MPP7: variants seen among roughly 807,000 people sequenced by gnomAD.
MPP7 encodes MAGUK p55 subfamily member 7.
Under a neutral mutation model 76.5 loss-of-function variants are expected in MPP7, and 60 were observed. The observed-to-expected ratio is 0.78, with a 90% CI of 0.64 to 0.97. MPP7 has a LOEUF of 0.97. Among genes scored for constraint, MPP7 ranks in the 50% least tolerant of loss-of-function variants. MPP7 has a pLI of 0.00. For missense variants in MPP7, 641 were observed against 694.0 expected, an observed-to-expected ratio of 0.92 and a Z score of 0.86; for synonymous variants, 237 against 244.5, an observed-to-expected ratio of 0.97 and a Z score of 0.29.
chr10:28,302,770 C>T (rs1564767131), intron 1 of MPP7, among the ~76,000 whole-genome samples, 91 bp downstream of exon 1: 3 of 152,066 alleles, frequency 2.0e-5, no homozygotes, highest in Admixed American at 6.5e-5. Flanking sequence ...TCGGCCCGGT[C>T]GCCGGCGCAG....
chr10:28,115,113 T>G (rs1430206418), intron 11 of MPP7, among the ~76,000 whole-genome samples: 4 of 152,154 alleles, frequency 2.6e-5, no homozygotes, highest in African/African-American at 9.7e-5. Context: ...TGTTTTTGTT[T>G]TTTTTTGAGA....
chr10:28,060,041 G>GA (rs551099102), intron 13 of MPP7, among the ~76,000 whole-genome samples: 450 of 142,592 alleles, frequency 3.2e-3, no homozygotes, highest in African/African-American at 0.011. Context: ...AACTCCTGAG[G>GA]AAAAAAACCT....
chr10:28,317,028 GA>G (rs1292481317), intron 2 of MPP7, among the ~76,000 whole-genome samples: 1 of 152,092 alleles, frequency 6.6e-6, no homozygotes, highest in Non-Finnish European at 1.5e-5. Flanking sequence ...AAAGGGGGAA[GA>G]ACTGTGAGCC....
chr10:28,207,422 C>A (rs573129236), intron 2 of MPP7, among the ~76,000 whole-genome samples: 4 of 152,180 alleles, frequency 2.6e-5, no homozygotes, highest in South Asian at 4.1e-4. Flanking sequence ...GGGGGCTGGG[C>A]ACAGTGGCTC....
chr10:28,200,320 A>G (rs1837728796), intron 3 of MPP7, among the ~76,000 whole-genome samples: 1 of 152,230 alleles, frequency 6.6e-6, no homozygotes, highest in Admixed American at 6.5e-5. Context: ...TTGAGAATGT[A>G]CTAGAGGTAC....
intron 11 of MPP7, among the ~76,000 whole-genome samples, chr10:28,113,648 G>A (rs1451391759): frequency 1.3e-5 from 2 of 151,994 alleles, no homozygotes; most frequent in African/African-American, 4.8e-5. Context: ...AGACAGCCAC[G>A]ACCACCTCCC....
intron 11 of MPP7, among the ~76,000 whole-genome samples, chr10:28,111,391 C>T (rs928803692): frequency 6.6e-6 from 1 of 152,156 alleles, no homozygotes; most frequent in African/African-American, 2.4e-5. Context: ...GTTGTCAAAA[C>T]ATAGTCCTTA....
intron 1 of MPP7, among the ~76,000 whole-genome samples, chr10:28,278,879 G>A (rs906905968): frequency 2.7e-5 from 4 of 149,148 alleles, no homozygotes; most frequent in Non-Finnish European, 4.4e-5. Context: ...CATTTATTGC[G>A]TTCTCTTTGC....
intron 11 of MPP7, chr10:28,118,542 T>C: frequency 1.0e-6 from 1 of 985,424 alleles, no homozygotes; most frequent in Non-Finnish European, 1.2e-6. Flanking sequence ...AAAGCTCCTT[T>C]CTGTTAGTGA....
intron 5 of MPP7, among the ~76,000 whole-genome samples, chr10:28,138,488 T>A (rs1398367705): frequency 2.0e-5 from 3 of 152,236 alleles, no homozygotes; most frequent in Admixed American, 6.5e-5. Flanking sequence ...CTGCATTTAT[T>A]TTCCTGAACT....
At chr10:28,173,725 C>T (rs1299269704) in intron 3 of MPP7, among the ~76,000 whole-genome samples, 3 of 152,168 alleles carry the variant, frequency 2.0e-5, no homozygotes, top group East Asian at 3.9e-4. Context: ...AAATCATTTT[C>T]TCAACACCTA....
At chr10:28,131,395 C>A (rs1451152585) in intron 6 of MPP7, among the ~76,000 whole-genome samples, 165 bp downstream of exon 6, 1 of 152,076 alleles carries the variant, frequency 6.6e-6, no homozygotes, top group African/African-American at 2.4e-5. Flanking sequence ...TGTCTATTAA[C>A]CTTCACTTTC....
chr10:28,283,822 C>CT (rs1589027510), intron 1 of MPP7, among the ~76,000 whole-genome samples: 4 of 152,240 alleles, frequency 2.6e-5, no homozygotes, highest in Admixed American at 6.5e-5. Context: ...GCCCCCAAAG[C>CT]TTTTTTTCCA....
chr10:28,159,432 C>T (rs1287063563), intron 3 of MPP7, among the ~76,000 whole-genome samples: 3 of 152,098 alleles, frequency 2.0e-5, no homozygotes, highest in East Asian at 3.8e-4. Context: ...TGACATCTTA[C>T]CAAAAATCAG....
intron 1 of MPP7, among the ~76,000 whole-genome samples, chr10:28,297,421 G>A (rs1019552713): frequency 2.0e-5 from 3 of 152,138 alleles, no homozygotes; most frequent in African/African-American, 7.2e-5. Flanking sequence ...CAATAAGGCC[G>A]GGCGCTGTGG....
At chr10:28,238,416 G>C (rs1839151168) in intron 2 of MPP7, 152 bp downstream of exon 2, 7 of 732,796 alleles carry the variant, frequency 9.6e-6, no homozygotes, top group Admixed American at 2.6e-5. Context: ...TTTTACCTAG[G>C]AGGGCATCCC....
At position 28,051,153 on chromosome 10, in the gene MPP7, C is replaced by T. The variant is rs1030337849; in HGVS notation, c.*2912G>A. ...AAAATAGAATATCCAAGTGCAAAAA[C>T]AATTTTCAAGTAAGTACACACACTG... On this transcript the variant is annotated 3_prime_UTR_variant, in exon 17 of 17. Transcript: ENST00000683449. 6.6e-6 allele frequency: 1 copy of T among 152,120 alleles called. No homozygotes were observed. The allele number at this position is 152,120 out of a possible 1,614,324, so 9.4% of individuals were successfully genotyped here. A position where few individuals can be genotyped will look rare whatever the true frequency, so the allele number is the denominator to read the frequency against.
intron 3 of MPP7, among the ~76,000 whole-genome samples, chr10:28,185,233 T>C (rs1412702983): frequency 6.7e-6 from 1 of 149,496 alleles, no homozygotes; most frequent in Admixed American, 6.7e-5. Flanking sequence ...ATATGATATA[T>C]TAAGATAAAT....
intron 1 of MPP7, among the ~76,000 whole-genome samples, chr10:28,332,310 A>T (rs1834479242): frequency 6.7e-6 from 1 of 148,852 alleles, no homozygotes; most frequent in Non-Finnish European, 1.5e-5. Context: ...TGGGTACAGA[A>T]TTTCCATTTC....
Sources: gnomAD v4.1 joint callset for allele counts (sites outside exome capture counted in the v4.1 genomes callset) on GRCh38, gnomAD v4.1.1 for gene constraint, MANE v1.5 for transcripts, NCBI Gene and HGNC (gene_info 2026-07-23, HGNC 2026-07-21) for gene names.